The following DIAPH2 variants were observed in gnomAD, a reference collection of about 807,000 sequenced individuals.
DIAPH2 encodes the protein protein diaphanous homolog 2.
DIAPH2 carries 35 observed loss-of-function variants against 92.7 expected under a neutral mutation model. That is an observed-to-expected ratio of 0.38 (90% CI 0.29 to 0.50). The LOEUF (loss-of-function observed/expected upper bound fraction) is 0.50. DIAPH2 is among the 20% of genes least tolerant of loss of function. The pLI, the probability that DIAPH2 is intolerant of heterozygous loss-of-function variation, is 0.94. For synonymous variants in DIAPH2, 301 were observed against 280.4 expected (o/e 1.07, Z -0.73); for missense variants, 701 against 819.5 (o/e 0.86, Z 1.77).
At chrX:96,742,756 TC>T (rs1312643339) in intron 3 of DIAPH2, among the ~76,000 whole-genome samples, 1 of 109,816 alleles carries the variant, frequency 9.1e-6, no homozygotes, top group Non-Finnish European at 1.9e-5. Context: ...AACCTCTGCC[TC>T]CCAGGTTCAA....
chrX:97,098,820 A>G (rs1424305895), intron 19 of DIAPH2, among the ~76,000 whole-genome samples: 1 of 113,051 alleles, frequency 8.8e-6, no homozygotes, highest in Non-Finnish European at 1.9e-5. Flanking sequence ...AAGGATAATC[A>G]CGTTGAGGAT....
At chrX:97,035,478 G>A (rs991631782) in intron 17 of DIAPH2, among the ~76,000 whole-genome samples, 7 of 111,736 alleles carry the variant, frequency 6.3e-5, no homozygotes, top group Admixed American at 4.8e-4. Flanking sequence ...ATAACAAGGT[G>A]GGGAACAGTA....
chrX:97,341,286 T>C (rs1365740001), intron 23 of DIAPH2: 1 of 109,732 alleles, frequency 9.1e-6, no homozygotes, highest in Non-Finnish European at 1.9e-5. Context: ...AGTAGTGGAA[T>C]TGCACCTGTG....
intron 21 of DIAPH2, among the ~76,000 whole-genome samples, chrX:97,139,838 A>G (rs2067198167): frequency 9.2e-6 from 1 of 108,927 alleles, no homozygotes; most frequent in Non-Finnish European, 1.9e-5. Context: ...AAAACAATCT[A>G]ACACATGTGA....
chrX:97,276,169 C>T (rs1193690438), intron 23 of DIAPH2, among the ~76,000 whole-genome samples: 7 of 108,894 alleles, frequency 6.4e-5, no homozygotes, highest in South Asian at 4.3e-4. Flanking sequence ...CGCAGGCACT[C>T]GGCAGGCTGA....
At chrX:97,553,149 T>G (rs1241621939) in intron 26 of DIAPH2, among the ~76,000 whole-genome samples, 1 of 112,535 alleles carries the variant, frequency 8.9e-6, no homozygotes, top group Non-Finnish European at 1.9e-5. Context: ...AGGATTTATA[T>G]TATTCTACTG....
chrX:97,479,108 A>G (rs1442957064), intron 26 of DIAPH2, among the ~76,000 whole-genome samples: 1 of 111,370 alleles, frequency 9.0e-6, no homozygotes, highest in Non-Finnish European at 1.9e-5. Flanking sequence ...GTTATACTAC[A>G]TATTTCCTTT....
At chrX:97,543,761 C>T (rs766467941) in intron 26 of DIAPH2, among the ~76,000 whole-genome samples, 19 of 111,022 alleles carry the variant, frequency 1.7e-4, no homozygotes, top group South Asian at 3.9e-4. Context: ...CCACCTCAAC[C>T]TCCCAAAGTG....
chrX:97,327,725 C>T (rs533330681), intron 23 of DIAPH2, among the ~76,000 whole-genome samples: 6 of 111,852 alleles, frequency 5.4e-5, no homozygotes, highest in African/African-American at 1.9e-4. Flanking sequence ...CAGGCGCAAG[C>T]CACTGCACCT....
chrX:96,712,825 C>G (rs1237348244), intron 1 of DIAPH2, among the ~76,000 whole-genome samples: 3 of 111,148 alleles, frequency 2.7e-5, no homozygotes, highest in African/African-American at 9.8e-5. Flanking sequence ...AAATTAAGTT[C>G]TATTTATTTT....
At chrX:97,437,302 T>C in intron 26 of DIAPH2, among the ~76,000 whole-genome samples, 1 of 112,034 alleles carries the variant, frequency 8.9e-6, no homozygotes, top group Non-Finnish European at 1.9e-5. Flanking sequence ...ATTCATTATA[T>C]TGTAATATAC....
chrX:96,968,250 C>T (rs2147828371), intron 17 of DIAPH2, among the ~76,000 whole-genome samples: 1 of 109,980 alleles, frequency 9.1e-6, no homozygotes, highest in East Asian at 2.9e-4. Flanking sequence ...CAGAGTTTCG[C>T]TCTTGCTGCC....
At chrX:97,532,138 G>A (rs2071064316) in intron 26 of DIAPH2, among the ~76,000 whole-genome samples, 1 of 112,564 alleles carries the variant, frequency 8.9e-6, no homozygotes, top group Non-Finnish European at 1.9e-5. Flanking sequence ...TACACACTGT[G>A]ATATTTTACG....
chrX:96,782,664 G>T (rs1465734078), intron 4 of DIAPH2, among the ~76,000 whole-genome samples: 2 of 111,366 alleles, frequency 1.8e-5, no homozygotes, highest in African/African-American at 6.5e-5. Flanking sequence ...CAACTCCTGG[G>T]CTCAAGCGAT....
chrX:96,856,862 C>T (rs1441319445), intron 4 of DIAPH2, among the ~76,000 whole-genome samples: 1 of 110,202 alleles, frequency 9.1e-6, no homozygotes, highest in African/African-American at 3.3e-5. Context: ...CATGGTGAAA[C>T]CCTGTCTCTA....
At position 96,948,931 on chromosome X, in the gene DIAPH2, G is replaced by T; in HGVS notation, c.1510-4G>T. The T allele has an allele frequency of 8.6e-7, 1 of 1,157,406 alleles. No homozygotes were observed. The highest frequency in any genetic ancestry group is 1.2e-6 in the Non-Finnish European group (1 of 852,775). ...TAACTGTACATTGATGGTGATCATTGCAGTTCGATGAAGAATTCACAGCTC... is the reference window on the plus strand; with the variant it reads ...TAACTGTACATTGATGGTGATCATTTCAGTTCGATGAAGAATTCACAGCTC... On this transcript the variant is annotated splice_polypyrimidine_tract_variant and splice_region_variant and intron_variant, in intron 14 of 26. Coordinates refer to ENST00000324765, the MANE Select transcript of DIAPH2 (RefSeq NM_006729.5).
chrX:97,056,780 G>C (rs1367130761), intron 17 of DIAPH2, among the ~76,000 whole-genome samples: 1 of 111,828 alleles, frequency 8.9e-6, no homozygotes, highest in Non-Finnish European at 1.9e-5. Context: ...TTAAGTGCCA[G>C]TCACTCTGCT....
At chrX:96,972,353 ATATT>A (rs2065932949) in intron 17 of DIAPH2, among the ~76,000 whole-genome samples, 1 of 112,221 alleles carries the variant, frequency 8.9e-6, no homozygotes, top group Non-Finnish European at 1.9e-5. Context: ...AAATGTTTAA[ATATT>A]TAATATGTGA....
intron 1 of DIAPH2, among the ~76,000 whole-genome samples, chrX:96,722,315 C>T (rs915213212): frequency 4.2e-4 from 46 of 110,321 alleles, no homozygotes; most frequent in African/African-American, 1.5e-3. Context: ...TGAGATTGCA[C>T]CACTGCACTC....
Sources: allele counts gnomAD v4.1 joint callset (sites outside exome capture counted in the v4.1 genomes callset), GRCh38; gene constraint gnomAD v4.1.1; transcripts MANE v1.5; gene names NCBI Gene and HGNC (gene_info 2026-07-23, HGNC 2026-07-21).